RAPGEF2: variants seen among roughly 807,000 people sequenced by gnomAD.
RAPGEF2 encodes Rap guanine nucleotide exchange factor 2, also known as PDZ domain containing guanine nucleotide exchange factor (GEF) 1.
A neutral mutation model predicts 186.7 loss-of-function variants in RAPGEF2; 54 were observed. The observed-to-expected ratio is 0.29, with a 90% confidence interval of 0.23 to 0.36. RAPGEF2 has a LOEUF of 0.36. RAPGEF2 is among the 10% of genes least tolerant of loss of function. The probability of loss-of-function intolerance (pLI) is 1.00; values close to 1 mark genes in which losing one functional copy is unlikely to be tolerated. For missense variants in RAPGEF2, 1,532 were observed against 2,045.0 expected (o/e 0.75, Z 4.84); for synonymous variants, 712 against 705.9 (o/e 1.01, Z -0.14).
chr4:159,285,256 G>A (rs948756602), intron 7 of RAPGEF2, among the ~76,000 whole-genome samples: 3 of 152,162 alleles, frequency 2.0e-5, no homozygotes, highest in Non-Finnish European at 2.9e-5. Context: ...TGGCCTTCAA[G>A]TGAAGAGGAC....
At chr4:159,187,809 A>G (rs917687888) in intron 2 of RAPGEF2, among the ~76,000 whole-genome samples, 5 of 152,196 alleles carry the variant, frequency 3.3e-5, no homozygotes, top group African/African-American at 1.2e-4. Flanking sequence ...TTCCAGGTCT[A>G]GCTATTTTTG....
intron 3 of RAPGEF2, among the ~76,000 whole-genome samples, chr4:159,210,221 A>C (rs1177146048): frequency 6.6e-6 from 1 of 152,186 alleles, no homozygotes; most frequent in East Asian, 1.9e-4. Flanking sequence ...TTTCATGTTC[A>C]AAAAAAGTAA....
chr4:159,138,908 A>G (rs1742021325), intron 1 of RAPGEF2, among the ~76,000 whole-genome samples: 1 of 152,258 alleles, frequency 6.6e-6, no homozygotes, highest in South Asian at 2.1e-4. Context: ...TACCACGTGA[A>G]GGAAATTTCT....
chr4:159,198,336 T>TTC (rs1561075425), intron 3 of RAPGEF2, among the ~76,000 whole-genome samples: 2 of 41,210 alleles, frequency 4.9e-5, no homozygotes, highest in African/African-American at 2.9e-4. Flanking sequence ...CTTTCTTTCT[T>TTC]TTTCTTTCTC....
intron 1 of RAPGEF2, among the ~76,000 whole-genome samples, chr4:159,182,386 C>CTTTTTTTTTTT (rs575743979): frequency 1.2e-5 from 1 of 85,690 alleles, no homozygotes; most frequent in Non-Finnish European, 2.2e-5. Context: ...TTCTTTTCTT[C>CTTTTTTTTTTT]TTTTTTTTTT....
chr4:159,139,711 T>A (rs1742106545), intron 1 of RAPGEF2, among the ~76,000 whole-genome samples: 1 of 152,194 alleles, frequency 6.6e-6, no homozygotes, highest in African/African-American at 2.4e-5. Context: ...TGTGGTTTGT[T>A]AAGAGATTTC....
At chr4:159,276,545 C>G (rs991071128) in intron 7 of RAPGEF2, among the ~76,000 whole-genome samples, 3 of 152,100 alleles carry the variant, frequency 2.0e-5, no homozygotes, top group Non-Finnish European at 4.4e-5. Flanking sequence ...GTTATTTGAG[C>G]AGCAGGTTGG....
At chr4:159,236,490 T>C (rs6536403) in intron 4 of RAPGEF2, among the ~76,000 whole-genome samples, 93,201 of 152,058 alleles carry the variant, frequency 0.61, 29,665 homozygotes, top group African/African-American at 0.73. Context: ...AACATTAACA[T>C]CTTTTGCTGC....
In RAPGEF2 at chr4:159,341,898, C is replaced by T. The variant is rs1300304765; in HGVS notation, c.2869C>T (p.Leu957=). ...CATTAAGCATTTCATCAAGATAGCA[C>T]TGCACTGTAGGGAATGCAAGAATTT... is the stretch of plus-strand genomic sequence containing the variant. ...KIIKHFIKIA[L]HCRECKNFNS... Residue 957 remains leucine, a synonymous_variant, in exon 20 of 30, where the codon CTG becomes TTG. Coordinates refer to ENST00000691494, the MANE Select transcript of RAPGEF2 (RefSeq NM_001394067.2). The T allele has an allele frequency of 6.2e-7, 1 of 1,612,140 alleles. No individual in the cohort carries two copies. Among genetic ancestry groups the T allele is most frequent in the Non-Finnish European group, 8.5e-7 (1 of 1,179,334 alleles).
At chr4:159,251,632 G>A (rs909441568) in intron 7 of RAPGEF2, among the ~76,000 whole-genome samples, 1 of 152,084 alleles carries the variant, frequency 6.6e-6, no homozygotes, top group Non-Finnish European at 1.5e-5. Flanking sequence ...AGCAAGTCTC[G>A]TGGGGACTTT....
At chr4:159,221,785 T>C (rs1751562962) in intron 4 of RAPGEF2, among the ~76,000 whole-genome samples, 2 of 152,194 alleles carry the variant, frequency 1.3e-5, no homozygotes, top group Admixed American at 1.3e-4. Flanking sequence ...GGTATTCCTG[T>C]GACATATATA....
In RAPGEF2 at chr4:159,353,158, T is replaced by TA. The variant is rs1292525736; in HGVS notation, c.4091+248_4091+249insA. Among the ~76,000 whole-genome samples, 1 of 152,214 alleles carries TA rather than the reference T, an allele frequency of 6.6e-6. No individual in the cohort carries two copies. Among genetic ancestry groups the TA allele is most frequent in the Non-Finnish European group, 1.5e-5 (1 of 68,048 alleles). On this transcript the variant is annotated intron_variant, in intron 27 of 29. Coordinates refer to ENST00000691494, the MANE Select transcript of RAPGEF2 (RefSeq NM_001394067.2). This position sits in a 1 kb window ranked among gnomAD's most constrained non-coding sequence, Gnocchi z 4.3. ...TTCTGTGCTGAAGGCAGAGGGTGAC[T>TA]GTAGGATCCATCCCAGTTGTTTCGT...
At chr4:159,174,696 A>C (rs1746271496) in intron 1 of RAPGEF2, among the ~76,000 whole-genome samples, 1 of 152,014 alleles carries the variant, frequency 6.6e-6, no homozygotes, top group African/African-American at 2.4e-5. Context: ...TTAGACAAAC[A>C]GGGAATGACT....
chr4:159,315,918 G>A (rs905569631), intron 9 of RAPGEF2, among the ~76,000 whole-genome samples: 8 of 152,140 alleles, frequency 5.3e-5, no homozygotes, highest in Non-Finnish European at 1.2e-4. Context: ...GGATAACTGC[G>A]GGCGAGCCTG....
In RAPGEF2 at chr4:159,331,852, C is replaced by T. The variant is rs758274871; in HGVS notation, c.1779+19C>T. On this transcript the variant is annotated intron_variant, in intron 15 of 29. Coordinates refer to ENST00000691494, the MANE Select transcript of RAPGEF2 (RefSeq NM_001394067.2). ...GGATCAGGTATGCCATTTCTAAACT[C>T]ATTTAAGGGTGAATTTTGGTGTCTG... 1 of 1,606,320 alleles carries T rather than the reference C, an allele frequency of 6.2e-7. No individual in the cohort carries two copies. The highest frequency in any genetic ancestry group is 8.5e-7 in the Non-Finnish European group (1 of 1,177,834).
intron 28 of RAPGEF2, among the ~76,000 whole-genome samples, chr4:159,354,604 G>T (rs570515060): frequency 6.6e-6 from 1 of 151,966 alleles, no homozygotes; most frequent in African/African-American, 2.4e-5. Flanking sequence ...AGGCGGACTG[G>T]GGATTGAATC....
rs570222496 is a variant in RAPGEF2, at chr4:159,306,947, G to A, written c.675+2474G>A. 2.2e-3 allele frequency among the ~76,000 whole-genome samples: 340 copies of A among 152,036 alleles called. 1 individual carries two copies. Among genetic ancestry groups the A allele is most frequent in the African/African-American group, 8.0e-3 (330 of 41,504 alleles). ...AGCCAGAGCTATGGGATTCAAAACT[G>A]TTTTTAAAATAAAATAATTCTAATT... On this transcript the variant is annotated intron_variant, in intron 8 of 29. Coordinates refer to ENST00000691494, the MANE Select transcript of RAPGEF2 (RefSeq NM_001394067.2).
intron 3 of RAPGEF2, among the ~76,000 whole-genome samples, chr4:159,201,064 T>C (rs1311834692): frequency 6.6e-6 from 1 of 152,214 alleles, no homozygotes; most frequent in African/African-American, 2.4e-5. Flanking sequence ...TTATATTTCT[T>C]TTGGCTTGAT....
rs61748171 is a variant in RAPGEF2 at position 159,339,244 on chromosome 4, G to A, written c.2424G>A (p.Pro808=). The change falls in exon 19 of 30, where the codon CCG becomes CCA. Residue 808 remains proline (P), a synonymous_variant. Coordinates refer to ENST00000691494, the MANE Select transcript of RAPGEF2 (RefSeq NM_001394067.2). ...AIREFAVTAT[P]DQYSLCEVSV... is the part of the protein sequence containing the mutation. Reference sequence around the variant, plus strand: ...GGGAGTTTGCTGTTACTGCCACCCCGGATCAATATTCACTATGTGAGGTCT... The same window carrying A: ...GGGAGTTTGCTGTTACTGCCACCCCAGATCAATATTCACTATGTGAGGTCT... 27,408 of 1,613,966 alleles carry A rather than the reference G, an allele frequency of 0.017. 267 individuals are homozygous for A. Among genetic ancestry groups the A allele is most frequent in the Middle Eastern group, 0.021 (129 of 6,062 alleles).
Sources: allele counts gnomAD v4.1 joint callset (sites outside exome capture counted in the v4.1 genomes callset), GRCh38; gene constraint gnomAD v4.1.1; non-coding constraint Gnocchi (gnomAD v3.1); transcripts MANE v1.5; gene names NCBI Gene and HGNC (gene_info 2026-07-23, HGNC 2026-07-21).